Variants in PRKAG2 observed in about 807,000 individuals in gnomAD.
PRKAG2 encodes the protein protein kinase AMP-activated non-catalytic subunit gamma 2.
In PRKAG2, 26 loss-of-function variants were observed where a neutral mutation model predicts 69.6. The ratio of observed to expected loss-of-function variants is 0.37; its 90% CI spans 0.27 to 0.52. The LOEUF is 0.52. Among genes scored for constraint, PRKAG2 ranks in the 20% least tolerant of loss-of-function variants. PRKAG2 has a pLI of 0.90. For missense variants in PRKAG2, 557 were observed against 740.0 expected (o/e 0.75, Z 2.87); for synonymous variants, 293 against 285.0 (o/e 1.03, Z -0.28).
intron 3 of PRKAG2, among the ~76,000 whole-genome samples, chr7:151,714,776 C>T (rs142423720): frequency 0.037 from 5,632 of 151,458 alleles, 364 homozygotes; most frequent in African/African-American, 0.13. Flanking sequence ...ATGGCGAAAC[C>T]TCATCTCTAC....
rs372298806 is a variant in PRKAG2, at chr7:151,696,958, C to T, written c.467-21321G>A. On this transcript the variant is annotated intron_variant, in intron 3 of 15. Transcript: ENST00000287878. Reference sequence around the variant, plus strand: ...GCAGGCTCAGGCCCTGTTCACCTGCCGCAGATTCCCCGAGAGCCAGGCAGA... The same window carrying T: ...GCAGGCTCAGGCCCTGTTCACCTGCTGCAGATTCCCCGAGAGCCAGGCAGA... Among the ~76,000 whole-genome samples the T allele has an allele frequency of 3.3e-5, 5 of 152,198 alleles. 1 individual carries two copies. In the South Asian group the frequency reaches 6.2e-4, roughly 19 times the overall value.
chr7:151,595,470 G>C lies in PRKAG2; in HGVS notation c.755-16C>G. The C allele has an allele frequency of 1.3e-6, 2 of 1,543,012 alleles. No homozygotes were observed. The highest frequency in any genetic ancestry group is 1.8e-6 in the Non-Finnish European group (2 of 1,116,110). On this transcript the variant is annotated splice_polypyrimidine_tract_variant and intron_variant, in intron 5 of 15. Coordinates refer to ENST00000287878, the MANE Select transcript of PRKAG2 (RefSeq NM_016203.4). The stretch of plus-strand genomic sequence containing the variant: ...TCTTCTACTGCTAAAAGAAAAAAAG[G>C]CAAAACATCAGTAATAATAAAGAAT...
intron 3 of PRKAG2, among the ~76,000 whole-genome samples, chr7:151,737,140 C>A (rs1274580440): frequency 1.3e-5 from 2 of 152,170 alleles, no homozygotes; most frequent in African/African-American, 4.8e-5. Context: ...TTGTGACCAT[C>A]AGAAAGTTAC....
intron 4 of PRKAG2, among the ~76,000 whole-genome samples, chr7:151,642,117 C>T (rs960744294): frequency 1.3e-4 from 20 of 149,752 alleles, no homozygotes; most frequent in African/African-American, 4.4e-4. Flanking sequence ...GGGTGGATCA[C>T]GAGGTCAGGA....
intron 15 of PRKAG2, chr7:151,558,703 C>T (rs4726048): frequency 0.64 from 634,566 of 984,516 alleles, 205,732 homozygotes; most frequent in East Asian, 0.71. Flanking sequence ...GGAATTCCAA[C>T]CCAGCTACCC....
In PRKAG2 at chr7:151,777,235, A is replaced by G. The variant is rs566047617; in HGVS notation, c.466+3917T>C. ...TGCGGCAGCACCCCATGTGGACACC[A>G]GCAGAGTCATCCCCAGGCCTGTGCC... On this transcript the variant is annotated intron_variant, in intron 3 of 15. Coordinates refer to ENST00000287878, the MANE Select transcript of PRKAG2 (RefSeq NM_016203.4). This position sits in a 1 kb window ranked among gnomAD's most constrained non-coding sequence, Gnocchi z 4.3. 1.7e-3 allele frequency among the ~76,000 whole-genome samples: 262 copies of G among 152,302 alleles called. 1 individual carries two copies. Among genetic ancestry groups the G allele is most frequent in the African/African-American group, 5.7e-3 (238 of 41,578 alleles).
At chr7:151,630,196 C>T (rs141689714) in intron 5 of PRKAG2, among the ~76,000 whole-genome samples, 1 of 152,018 alleles carries the variant, frequency 6.6e-6, no homozygotes, top group East Asian at 1.9e-4. Context: ...AGGTTTAATA[C>T]TTTACATTCA....
Position 151,699,952 on chromosome 7 carries a change from A to G in PRKAG2, c.467-24315T>C, listed in dbSNP as rs1837398937. ...GGCGGCCGCAGATGGGTGCCCCCAC[A>G]TTGCAGAAACAGCCTCAACAGGAGC... On this transcript the variant is annotated intron_variant, in intron 3 of 15. Transcript: ENST00000287878. The surrounding 1 kb of genome is among the most constrained non-coding windows in gnomAD (Gnocchi z 4.5). Among the ~76,000 whole-genome samples the G allele has an allele frequency of 1.3e-5, 2 of 152,206 alleles. No individual in the cohort carries two copies. The highest frequency in any genetic ancestry group is 2.1e-4 in the South Asian group (1 of 4,830).
intron 3 of PRKAG2, among the ~76,000 whole-genome samples, chr7:151,692,651 C>CG (rs1257574950): frequency 4.6e-5 from 7 of 151,888 alleles, no homozygotes; most frequent in Non-Finnish European, 5.9e-5. Flanking sequence ...AACATGAGTT[C>CG]GGGGGGGTTG....
intron 4 of PRKAG2, among the ~76,000 whole-genome samples, chr7:151,671,552 T>C (rs967766604): frequency 4.6e-5 from 7 of 152,252 alleles, no homozygotes; most frequent in African/African-American, 1.4e-4. Context: ...TGATATGTTC[T>C]CTGCATGCCA....
intron 15 of PRKAG2, chr7:151,558,097 C>T (rs1287270663): frequency 3.0e-6 from 3 of 985,204 alleles, no homozygotes; most frequent in Non-Finnish European, 3.6e-6. Context: ...CACCGTAGCT[C>T]CTGGCATCAG....
intron 4 of PRKAG2, among the ~76,000 whole-genome samples, chr7:151,636,222 GATTTTTGGAAT>G (rs1825718600): frequency 1.3e-5 from 2 of 152,086 alleles, no homozygotes; most frequent in Non-Finnish European, 2.9e-5. Flanking sequence ...GCAGCCCAGT[GATTTTTGGAAT>G]ATTCAGAATT....
chr7:151,692,791 A>G (rs1400002226), intron 3 of PRKAG2, among the ~76,000 whole-genome samples: 1 of 152,150 alleles, frequency 6.6e-6, no homozygotes, highest in East Asian at 1.9e-4. Context: ...ACCTGCTCAC[A>G]TAAAAATAGC....
At chr7:151,673,149 G>A (rs920309114) in intron 4 of PRKAG2, among the ~76,000 whole-genome samples, 2 of 152,160 alleles carry the variant, frequency 1.3e-5, no homozygotes, top group African/African-American at 2.4e-5. Flanking sequence ...AGCTGCTGCC[G>A]TCAAACATCA....
intron 5 of PRKAG2, among the ~76,000 whole-genome samples, chr7:151,615,537 T>C (rs771489098): frequency 1.3e-5 from 2 of 152,188 alleles, no homozygotes; most frequent in African/African-American, 2.4e-5. Context: ...CCAAAAGCAA[T>C]TGCAACAAAG....
intron 3 of PRKAG2, among the ~76,000 whole-genome samples, chr7:151,728,327 T>C (rs1317871905): frequency 1.3e-5 from 2 of 152,180 alleles, no homozygotes; most frequent in African/African-American, 4.8e-5. Flanking sequence ...TTCATCTTGC[T>C]CTCTGAATGT....
At chr7:151,744,175 C>T (rs192020406) in intron 3 of PRKAG2, among the ~76,000 whole-genome samples, 4 of 152,284 alleles carry the variant, frequency 2.6e-5, no homozygotes, top group South Asian at 2.1e-4. Flanking sequence ...CCCCCACCCC[C>T]AGACTCCGGT....
chr7:151,660,880 T>C (rs1358028584), intron 4 of PRKAG2, among the ~76,000 whole-genome samples: 3 of 152,246 alleles, frequency 2.0e-5, no homozygotes, highest in Non-Finnish European at 4.4e-5. Flanking sequence ...CAGAGGAATG[T>C]CATTTTTAAA....
At chr7:151,867,496 C>G (rs941700157) in intron 1 of PRKAG2, among the ~76,000 whole-genome samples, 1 of 152,298 alleles carries the variant, frequency 6.6e-6, no homozygotes, top group South Asian at 2.1e-4. Context: ...GCCTGTGCCT[C>G]TGGATGCAAC....
Sources: allele counts gnomAD v4.1 joint callset (sites outside exome capture counted in the v4.1 genomes callset), GRCh38; gene constraint gnomAD v4.1.1; non-coding constraint Gnocchi (gnomAD v3.1); transcripts MANE v1.5; gene names NCBI Gene and HGNC (gene_info 2026-07-23, HGNC 2026-07-21).